Variants in TSKS observed in about 807,000 individuals in gnomAD.
TSKS encodes testis specific serine kinase substrate, also known as testis-specific serine kinase substrate.
TSKS carries 27 observed loss-of-function variants against 68.0 expected under a neutral mutation model. The observed-to-expected ratio is 0.40, with a 90% confidence interval of 0.29 to 0.55. The LOEUF is 0.55. TSKS is among the 20% of genes least tolerant of loss of function. The pLI, the probability that TSKS is intolerant of heterozygous loss-of-function variation, is 0.53. For missense variants in TSKS, 806 were observed against 776.0 expected, an observed-to-expected ratio of 1.04 and a Z score of -0.46; for synonymous variants, 331 against 340.4, an observed-to-expected ratio of 0.97 and a Z score of 0.30.
intron 7 of TSKS, 73 bp downstream of exon 7, chr19:49,745,129 C>T: frequency 2.1e-6 from 3 of 1,450,296 alleles, no homozygotes; most frequent in Admixed American, 4.3e-5. Flanking sequence ...ACCCATTTCC[C>T]TCAAGACCCC....
intron 2 of TSKS, among the ~76,000 whole-genome samples, chr19:49,754,166 G>A (rs977296961): frequency 4.0e-5 from 6 of 150,896 alleles, no homozygotes; most frequent in East Asian, 2.0e-4. Flanking sequence ...GATTACAGGC[G>A]TGAGCCACCG....
At chr19:49,750,750 A>G (rs1445936387) in intron 2 of TSKS, among the ~76,000 whole-genome samples, 1 of 152,180 alleles carries the variant, frequency 6.6e-6, no homozygotes, top group African/African-American at 2.4e-5. Flanking sequence ...CTGTCTAGAA[A>G]TGGCTGAGCA....
intron 6 of TSKS, 26 bp from the exon 7 acceptor site, chr19:49,745,422 G>A: frequency 6.7e-7 from 1 of 1,500,182 alleles, no homozygotes; most frequent in Non-Finnish European, 8.9e-7. Context: ...AGGGGAATGG[G>A]TAGGGGCTAG....
intron 5 of TSKS, 130 bp from the exon 6 acceptor site, chr19:49,746,928 G>T: frequency 6.8e-7 from 1 of 1,472,192 alleles, no homozygotes; most frequent in South Asian, 1.3e-5. Flanking sequence ...TATGTTGGAA[G>T]TCTCACTGGC....
intron 4 of TSKS, 115 bp from the exon 5 acceptor site, chr19:49,747,587 A>C: frequency 1.0e-6 from 1 of 1,003,526 alleles, no homozygotes; most frequent in Admixed American, 2.0e-5. Context: ...AGTACAAGAC[A>C]CACTCACCAG....
At position 49,748,430 on chromosome 19, in the gene TSKS, T is replaced by C. The variant is rs1312713234; in HGVS notation, c.439A>G (p.Ile147Val). The C allele has an allele frequency of 6.2e-7, 1 of 1,614,210 alleles. No individual in the cohort carries two copies. Among genetic ancestry groups the C allele is most frequent in the South Asian group, 1.1e-5 (1 of 91,090 alleles). The part of the protein sequence containing the change: ...NSGLVRAKDS[I>V]TSLKEKTNRV... ...TTGGTCTTTTCCTTCAAGCTGGTGA[T>C]GGAGTCTTTGGCGCGGACCAATCCA... Residue 147 changes from isoleucine to valine, a missense_variant, in exon 3 of 11, where the codon ATC (isoleucine) becomes GTC (valine). By Grantham distance (29) the Ile-to-Val change is conservative. Coordinates refer to ENST00000246801, the MANE Select transcript of TSKS (RefSeq NM_021733.2).
At position 49,763,198 on chromosome 19, in the gene TSKS, T is replaced by C; in HGVS notation, c.50A>G (p.Glu17Gly). ...KTIWQSKEIHEAGDTPTGVES... is the reference protein window; with the variant it reads ...KTIWQSKEIHGAGDTPTGVES... ...CACCCCCGTGGGGGTGTCCCCGGCCTCATGGATCTCTTTGGACTGCCAGAT... is the reference window on the plus strand; with the variant it reads ...CACCCCCGTGGGGGTGTCCCCGGCCCCATGGATCTCTTTGGACTGCCAGAT... The change falls in exon 1 of 11, where the codon GAG becomes GGG. Residue 17 changes from glutamate (E) to glycine (G), a missense_variant. Physicochemically the swap from Glu to Gly is moderately conservative, Grantham distance 98. Transcript: ENST00000246801. The surrounding 1 kb of genome is among the most constrained non-coding windows in gnomAD (Gnocchi z 4.5). The C allele has an allele frequency of 1.3e-6, 2 of 1,574,372 alleles. No homozygotes were observed. Among genetic ancestry groups the C allele is most frequent in the Non-Finnish European group, 8.6e-7 (1 of 1,161,310 alleles).
Position 49,763,175 on chromosome 19 carries a change from C to G in TSKS, c.73G>C (p.Val25Leu), listed in dbSNP as rs750883896. 2.5e-6 allele frequency: 4 copies of G among 1,603,226 alleles called. No homozygotes were observed. The highest frequency in any genetic ancestry group is 2.6e-6 in the Non-Finnish European group (3 of 1,174,746). Residue 25 changes from valine to leucine, a missense_variant, in exon 1 of 11, where the codon GTG becomes CTG. Coordinates refer to ENST00000246801, the MANE Select transcript of TSKS (RefSeq NM_021733.2). This position sits in a 1 kb window ranked among gnomAD's most constrained non-coding sequence, Gnocchi z 4.5. ...IHEAGDTPTG[V>L]ESCSQLVPEA... ...GGGACTAGCTGGGAGCAGCTCTCCA[C>G]CCCCGTGGGGGTGTCCCCGGCCTCA...
chr19:49,746,869 T>C, intron 5 of TSKS, 71 bp from the exon 6 acceptor site: 2 of 1,557,436 alleles, frequency 1.3e-6, no homozygotes, highest in Non-Finnish European at 1.7e-6. Flanking sequence ...CACCCCAAAA[T>C]CCGCTCCAGT....
chr19:49,745,207 G>C lies in TSKS; in HGVS notation c.1182C>G (p.Cys394Trp). The change falls in exon 7 of 11, where the codon TGC becomes TGG. Residue 394 changes from cysteine to tryptophan, a missense_variant. Coordinates refer to ENST00000246801, the MANE Select transcript of TSKS (RefSeq NM_021733.2). ...QELRGRADEL[C>W]TMVERSAVSV... ...GCACTGGCCCCAATCCTCACATGGTGCACAGCTCATCCGCCCGACCTCGCA... is the reference window on the plus strand; with the variant it reads ...GCACTGGCCCCAATCCTCACATGGTCCACAGCTCATCCGCCCGACCTCGCA... The C allele has an allele frequency of 1.9e-6, 3 of 1,597,186 alleles. No individual in the cohort carries two copies. In the South Asian group the frequency reaches 3.3e-5, roughly 18 times the overall value.
chr19:49,746,562 G>A lies in TSKS; in HGVS notation c.900C>T (p.Pro300=), dbSNP rs759801923. ...CCCGAGGCCCCATTCCCCAGCCTGC[G>A]GGGACCAGGCCGTGTGGCCGCGAGG... The part of the protein sequence containing the change: ...DKPSRPHGLV[P]AGWGMGPRAG... Residue 300 remains proline (P), a synonymous_variant, in exon 6 of 11, where the codon CCC becomes CCT. Transcript: ENST00000246801. The A allele has an allele frequency of 1.9e-6, 3 of 1,613,190 alleles. No individual in the cohort carries two copies. The highest frequency in any genetic ancestry group is 3.3e-5 in the Admixed American group (2 of 59,980).
Position 49,746,487 on chromosome 19 carries a change from G to A in TSKS, c.975C>T (p.Thr325=), listed in dbSNP as rs762305803. ...VSEQELQKLF[T]GIEELRREVS... is the part of the protein sequence containing the mutation. ...CCGCCCACCTCAGCTCTTCGATGCC[G>A]GTGAACAGCTTCTGCAATTCCTGCT... The change falls in exon 6 of 11, where the codon ACC becomes ACT. Residue 325 remains threonine (T), a synonymous_variant. Coordinates refer to ENST00000246801, the MANE Select transcript of TSKS (RefSeq NM_021733.2). 3.7e-6 allele frequency: 6 copies of A among 1,613,832 alleles called. No homozygotes were observed. Among genetic ancestry groups the A allele is most frequent in the African/African-American group, 1.3e-5 (1 of 74,944 alleles).
chr19:49,751,706 G>A (rs1342751060), intron 2 of TSKS, among the ~76,000 whole-genome samples: 1 of 152,068 alleles, frequency 6.6e-6, no homozygotes, highest in Non-Finnish European at 1.5e-5. Context: ...GCAAAGCCGT[G>A]AAAGCATCTC....
chr19:49,741,094 C>T (rs560728777), intron 9 of TSKS, among the ~76,000 whole-genome samples: 4 of 150,614 alleles, frequency 2.7e-5, no homozygotes, highest in Admixed American at 1.3e-4. Flanking sequence ...AGGAGAATAG[C>T]GTGAACCCAG....
chr19:49,758,858 GT>G (rs1467042038), intron 2 of TSKS, among the ~76,000 whole-genome samples: 2 of 151,284 alleles, frequency 1.3e-5, no homozygotes, highest in Non-Finnish European at 2.9e-5. Context: ...TACCTTAGTT[GT>G]TTCTTTTTTT....
At chr19:49,759,175 A>AAAT (rs2084418662) in intron 2 of TSKS, among the ~76,000 whole-genome samples, 1 of 151,350 alleles carries the variant, frequency 6.6e-6, no homozygotes, top group East Asian at 2.0e-4. Context: ...TTTTTTAAAA[A>AAAT]ATTAGCTGGG....
chr19:49,740,024 C>T, intron 10 of TSKS, 35 bp downstream of exon 10: 2 of 1,613,672 alleles, frequency 1.2e-6, no homozygotes, highest in Non-Finnish European at 1.7e-6. Flanking sequence ...CCCAAGATCT[C>T]ACCCTCCTCC....
chr19:49,746,483 T>A lies in TSKS; in HGVS notation c.979A>T (p.Ile327Phe), dbSNP rs546576625. 6.2e-7 allele frequency: 1 copy of A among 1,613,964 alleles called. No individual in the cohort carries two copies. The change falls in exon 6 of 11, where the codon ATC becomes TTC. Residue 327 changes from isoleucine (I) to phenylalanine (F), a missense_variant. Transcript: ENST00000246801. ...EQELQKLFTG[I>F]EELRREVSSL... Reference sequence around the variant, plus strand: ...GGTCCCGCCCACCTCAGCTCTTCGATGCCGGTGAACAGCTTCTGCAATTCC... The same window carrying A: ...GGTCCCGCCCACCTCAGCTCTTCGAAGCCGGTGAACAGCTTCTGCAATTCC...
intron 2 of TSKS, among the ~76,000 whole-genome samples, chr19:49,758,720 A>T (rs2084414100): frequency 6.6e-6 from 1 of 152,080 alleles, no homozygotes; most frequent in African/African-American, 2.4e-5. Flanking sequence ...TCCCCCACTC[A>T]GCCCAAGGGA....
Sources: gnomAD v4.1 joint callset for allele counts (sites outside exome capture counted in the v4.1 genomes callset) on GRCh38, gnomAD v4.1.1 for gene constraint, Gnocchi (gnomAD v3.1) non-coding constraint, MANE v1.5 for transcripts, NCBI Gene and HGNC (gene_info 2026-07-23, HGNC 2026-07-21) for gene names.